MCC: variants seen among roughly 807,000 people sequenced by gnomAD.
MCC encodes MCC regulator of Wnt signaling pathway.
In MCC, 90 loss-of-function variants were observed where a neutral mutation model predicts 116.2. The observed-to-expected ratio is 0.77, with a 90% CI of 0.65 to 0.92. MCC has a LOEUF of 0.92. Ranked by LOEUF, MCC falls within the 40% of genes least tolerant of loss-of-function variation. MCC has a pLI of 0.00. For missense variants in MCC, 1,516 were observed against 1,312.2 expected (o/e 1.16, Z -2.40); for synonymous variants, 578 against 510.5 (o/e 1.13, Z -1.78).
chr5:113,432,573 T>C (rs941426054), intron 1 of MCC: 12 of 152,190 alleles, frequency 7.9e-5, no homozygotes, highest in Admixed American at 7.2e-4. Context: ...TTATTCTCAT[T>C]TTATAGATAA....
At chr5:113,089,269 C>A (rs538136833) in intron 8 of MCC, among the ~76,000 whole-genome samples, 1 of 152,246 alleles carries the variant, frequency 6.6e-6, no homozygotes, top group East Asian at 1.9e-4. Flanking sequence ...GCAGGCAACG[C>A]TAGAACTCAA....
At chr5:113,468,899 G>C (rs974154705) in intron 1 of MCC, among the ~76,000 whole-genome samples, 1 of 152,078 alleles carries the variant, frequency 6.6e-6, no homozygotes, top group African/African-American at 2.4e-5. Flanking sequence ...CTTCTTCCTG[G>C]TTTAGTCTTG....
chr5:113,399,451 C>T (rs1769620695), intron 1 of MCC, among the ~76,000 whole-genome samples: 1 of 152,056 alleles, frequency 6.6e-6, no homozygotes, highest in Non-Finnish European at 1.5e-5. Context: ...TGCCACTGCA[C>T]TCCAGCCTGG....
chr5:113,165,563 T>C (rs17135359), intron 3 of MCC, among the ~76,000 whole-genome samples: 4,105 of 152,254 alleles, frequency 0.027, 104 homozygotes, highest in East Asian at 0.08. Context: ...CACTCACCTC[T>C]ACCCTTCTGC....
chr5:113,031,190 T>C (rs1750927777), intron 17 of MCC, among the ~76,000 whole-genome samples: 1 of 152,170 alleles, frequency 6.6e-6, no homozygotes, highest in African/African-American at 2.4e-5. Context: ...GCAGGATCTT[T>C]AAGGGAAGTC....
Position 113,434,482 on chromosome 5 carries a change from G to C in MCC, c.171-49270C>G, listed in dbSNP as rs1436396327. The C allele has an allele frequency of 1.2e-6, 2 of 1,613,546 alleles. No homozygotes were observed. Among genetic ancestry groups the C allele is most frequent in the Admixed American group, 1.7e-5 (1 of 60,000 alleles). Reference sequence around the variant, plus strand: ...TGGCAGTACTTGATGGCCAAGGAAAGCTGGTGGAACTTCTTGCGAGCTTCG... The same window carrying C: ...TGGCAGTACTTGATGGCCAAGGAAACCTGGTGGAACTTCTTGCGAGCTTCG... On this transcript the variant is annotated intron_variant, in intron 1 of 18. Transcript: ENST00000408903. This position sits in a 1 kb window ranked among gnomAD's most constrained non-coding sequence, Gnocchi z 4.2.
chr5:113,187,167 C>A (rs1053629632), intron 3 of MCC, among the ~76,000 whole-genome samples: 1 of 152,194 alleles, frequency 6.6e-6, no homozygotes, highest in African/African-American at 2.4e-5. Context: ...TCACTACTAG[C>A]AGTTTTTTTC....
intron 3 of MCC, among the ~76,000 whole-genome samples, chr5:113,197,610 G>A (rs748856099): frequency 9.9e-5 from 15 of 152,156 alleles, no homozygotes; most frequent in African/African-American, 1.4e-4. Flanking sequence ...TTCTTGGGTC[G>A]TGGGAGGCCA....
chr5:113,102,647 TAATG>T (rs908506501), intron 7 of MCC, among the ~76,000 whole-genome samples: 1 of 152,264 alleles, frequency 6.6e-6, no homozygotes, highest in African/African-American at 2.4e-5. Flanking sequence ...TAAAAACATT[TAATG>T]AAGAAGAAAC....
At position 113,046,685 on chromosome 5, in the gene MCC, CAAAAAA is replaced by C. The variant is rs151183145; in HGVS notation, c.2655+2402_2655+2407del. Among the ~76,000 whole-genome samples the C allele has an allele frequency of 1.8e-3, 107 of 58,366 alleles. 2 individuals carry two copies. Among genetic ancestry groups the C allele is most frequent in the East Asian group, 4.4e-3 (9 of 2,034 alleles). 38.3% of individuals were successfully genotyped at this position (58,366 alleles called of 152,430 possible). ...ACTGACTGCTAACAAACTCAAAAGG[CAAAAAA>C]AAAAAAAAAAAAAAAAAAAAGAGAG... On this transcript the variant is annotated intron_variant, in intron 16 of 18. Coordinates refer to ENST00000408903, the MANE Select transcript of MCC (RefSeq NM_001085377.2).
At chr5:113,237,400 T>C (rs1185972936) in intron 3 of MCC, among the ~76,000 whole-genome samples, 1 of 152,220 alleles carries the variant, frequency 6.6e-6, no homozygotes, top group Non-Finnish European at 1.5e-5. Context: ...GAAATAAATG[T>C]GTTCCATGAA....
intron 3 of MCC, among the ~76,000 whole-genome samples, chr5:113,331,533 T>C (rs1358412795): frequency 6.6e-6 from 1 of 151,764 alleles, no homozygotes; most frequent in African/African-American, 2.4e-5. Context: ...GTTTTTAAAA[T>C]AAAAAGGTTA....
At chr5:113,235,066 CCAG>C (rs1764078643) in intron 3 of MCC, among the ~76,000 whole-genome samples, 2 of 152,180 alleles carry the variant, frequency 1.3e-5, no homozygotes, top group African/African-American at 4.8e-5. Context: ...TAGGCTGTGC[CCAG>C]CAGATTTTCT....
chr5:113,449,568 T>C (rs973345481), intron 1 of MCC, among the ~76,000 whole-genome samples: 1 of 152,224 alleles, frequency 6.6e-6, no homozygotes, highest in Non-Finnish European at 1.5e-5. Context: ...TGAGGACTTA[T>C]CTAAACACAA....
chr5:113,391,322 T>C (rs768186678), intron 1 of MCC, among the ~76,000 whole-genome samples: 4 of 152,182 alleles, frequency 2.6e-5, no homozygotes, highest in Admixed American at 6.5e-5. Flanking sequence ...TCTGGGTTTA[T>C]AGCCAGCCAG....
At chr5:113,284,898 G>A (rs1766186278) in intron 3 of MCC, among the ~76,000 whole-genome samples, 1 of 152,166 alleles carries the variant, frequency 6.6e-6, no homozygotes, top group Non-Finnish European at 1.5e-5. Flanking sequence ...AAGGAAATGG[G>A]TCCATGTGAC....
intron 17 of MCC, among the ~76,000 whole-genome samples, chr5:113,039,539 T>C (rs923010860): frequency 6.6e-6 from 1 of 152,128 alleles, no homozygotes; most frequent in African/African-American, 2.4e-5. Context: ...ACACAGCAGG[T>C]AGTCTTCAGA....
chr5:113,358,620 G>A (rs1321778631), intron 2 of MCC, among the ~76,000 whole-genome samples: 1 of 152,122 alleles, frequency 6.6e-6, no homozygotes, highest in African/African-American at 2.4e-5. Context: ...TACCCTCCAT[G>A]TCAAGAAGGA....
chr5:113,250,821 A>C (rs527289010), intron 3 of MCC, among the ~76,000 whole-genome samples: 1 of 152,136 alleles, frequency 6.6e-6, no homozygotes, highest in Non-Finnish European at 1.5e-5. Context: ...CATTCTGATG[A>C]CTGGAAATCT....
Sources: gnomAD v4.1 joint callset for allele counts (sites outside exome capture counted in the v4.1 genomes callset) on GRCh38, gnomAD v4.1.1 for gene constraint, Gnocchi (gnomAD v3.1) non-coding constraint, MANE v1.5 for transcripts, NCBI Gene and HGNC (gene_info 2026-07-23, HGNC 2026-07-21) for gene names.